The following DOCK1 variants were observed in gnomAD, a reference collection of about 807,000 sequenced individuals.
The protein encoded by DOCK1 is dedicator of cytokinesis protein 1.
In DOCK1, 138 loss-of-function variants were observed where a neutral mutation model predicts 262.7. The ratio of observed to expected loss-of-function variants is 0.53; its 90% CI spans 0.46 to 0.61. DOCK1 has a LOEUF of 0.61. Ranked by LOEUF, DOCK1 falls within the 20% of genes least tolerant of loss-of-function variation. The probability of loss-of-function intolerance (pLI) is 0.00; values close to 1 mark genes in which losing one functional copy is unlikely to be tolerated. For synonymous variants in DOCK1, 866 were observed against 867.4 expected, an observed-to-expected ratio of 1.00 and a Z score of 0.03; for missense variants, 1,908 against 2,370.7, an observed-to-expected ratio of 0.80 and a Z score of 4.05.
chr10:127,004,182 A>T (rs1474170492), intron 10 of DOCK1, among the ~76,000 whole-genome samples: 1 of 150,988 alleles, frequency 6.6e-6, no homozygotes, highest in Non-Finnish European at 1.5e-5. Flanking sequence ...TGAACTGGGG[A>T]GGTGGAGGTT....
At chr10:127,050,791 A>G (rs1485963529) in intron 21 of DOCK1, among the ~76,000 whole-genome samples, 1 of 152,058 alleles carries the variant, frequency 6.6e-6, no homozygotes, top group Admixed American at 6.5e-5. Flanking sequence ...CAGAAATTTT[A>G]TTTAATTTTC....
At chr10:127,353,494 G>C (rs895187974) in intron 31 of DOCK1, among the ~76,000 whole-genome samples, 4 of 152,168 alleles carry the variant, frequency 2.6e-5, no homozygotes, top group Non-Finnish European at 4.4e-5. Flanking sequence ...AACCATGGAC[G>C]GGCCTCTCCT....
At chr10:127,343,853 C>T (rs2063525582) in intron 31 of DOCK1, 107 bp downstream of exon 31, 17 of 919,732 alleles carry the variant, frequency 1.8e-5, no homozygotes, top group Admixed American at 1.6e-4. Flanking sequence ...GATGTAATCA[C>T]GGTGTAATGA....
intron 23 of DOCK1, 148 bp downstream of exon 23, chr10:127,061,924 C>A: frequency 2.5e-6 from 1 of 402,332 alleles, no homozygotes; most frequent in Non-Finnish European, 4.2e-6. Flanking sequence ...ATTTCAAGAG[C>A]TGTGCTTTTT....
Position 126,944,475 on chromosome 10 carries a change from G to A in DOCK1, c.47-26227G>A, listed in dbSNP as rs1056104011. ...CAGTTGGGAGTCAGCACGAAGATGCGTATGGAAGCCTCCAGAGATGACCTG... is the reference window on the plus strand; with the variant it reads ...CAGTTGGGAGTCAGCACGAAGATGCATATGGAAGCCTCCAGAGATGACCTG... On this transcript the variant is annotated intron_variant, in intron 1 of 51. Transcript: ENST00000623213. Among the ~76,000 whole-genome samples, 1,338 of 152,234 alleles carry A rather than the reference G, an allele frequency of 8.8e-3. 24 individuals are homozygous for A. Among genetic ancestry groups the A allele is most frequent in the African/African-American group, 0.03 (1,265 of 41,550 alleles).
intron 16 of DOCK1, among the ~76,000 whole-genome samples, chr10:127,027,145 G>A (rs530461447): frequency 5.9e-5 from 9 of 152,304 alleles, no homozygotes; most frequent in South Asian, 2.1e-4. Flanking sequence ...CTTGTGTGCC[G>A]CAGGCAGTTA....
At chr10:126,946,692 A>G (rs999116174) in intron 1 of DOCK1, among the ~76,000 whole-genome samples, 35,261 of 152,138 alleles carry the variant, frequency 0.23, 4,231 homozygotes, top group African/African-American at 0.27. Flanking sequence ...TGCCTGGCTA[A>G]TTTCGCAGAG....
chr10:126,998,286 G>T, intron 8 of DOCK1, 37 bp downstream of exon 8: 1 of 1,612,356 alleles, frequency 6.2e-7, no homozygotes, highest in Admixed American at 1.7e-5. Flanking sequence ...TTTCCTCTTT[G>T]GTTAGTGTTA....
At position 127,451,346 on chromosome 10, in the gene DOCK1, A is replaced by G. The variant is rs527489992; in HGVS notation, c.5580A>G (p.Pro1860=). 6.8e-5 allele frequency: 108 copies of G among 1,598,112 alleles called. No individual in the cohort carries two copies. The East Asian group carries it at 2.4e-3, about 35-fold the overall frequency. The part of the protein sequence containing the change: ...PPPHQRHLPP[P]LPSKTPPPPP... Reference sequence around the variant, plus strand: ...ATGTTTTTTAGCATCTGCCACCTCCACTGCCCAGCAAAACTCCGCCTCCTC... The same window carrying G: ...ATGTTTTTTAGCATCTGCCACCTCCGCTGCCCAGCAAAACTCCGCCTCCTC... Residue 1860 remains proline, a synonymous_variant, in exon 52 of 52, where the codon CCA becomes CCG. Coordinates refer to ENST00000623213, the MANE Select transcript of DOCK1 (RefSeq NM_001290223.2).
chr10:127,298,036 G>A (rs556512569), intron 29 of DOCK1, among the ~76,000 whole-genome samples: 5 of 152,054 alleles, frequency 3.3e-5, no homozygotes, highest in African/African-American at 9.7e-5. Flanking sequence ...TTCCCACCAC[G>A]TGTAATAAAC....
At chr10:127,280,096 G>A (rs1324524918) in intron 29 of DOCK1, among the ~76,000 whole-genome samples, 4 of 146,312 alleles carry the variant, frequency 2.7e-5, no homozygotes, top group Non-Finnish European at 4.5e-5. Flanking sequence ...GTGCAGCGGC[G>A]CGATCTCGGC....
chr10:127,177,903 C>A (rs753307883), intron 27 of DOCK1, among the ~76,000 whole-genome samples: 4 of 152,188 alleles, frequency 2.6e-5, no homozygotes, highest in Non-Finnish European at 4.4e-5. Flanking sequence ...GATGTTGCGT[C>A]ATTTTTCGGT....
At chr10:126,922,298 C>T (rs73382573) in intron 1 of DOCK1, among the ~76,000 whole-genome samples, 18,175 of 150,024 alleles carry the variant, frequency 0.12, 1,274 homozygotes, top group African/African-American at 0.2. Context: ...CTGGCATCTG[C>T]TTCTGGAGAG....
rs190993327 is a variant in DOCK1, at chr10:127,394,834, G to T, written c.3928-8221G>T. Among the ~76,000 whole-genome samples, 31 of 152,192 alleles carry T rather than the reference G, an allele frequency of 2.0e-4. No homozygotes were observed. In the East Asian group the frequency reaches 2.5e-3, roughly 12 times the overall value. On this transcript the variant is annotated intron_variant, in intron 38 of 51. Transcript: ENST00000623213. ...ACCGAGATGGAGCCAGGCCCACCTC[G>T]AGGCGATTCTAGCATCAGGGCTCTC... is the stretch of plus-strand genomic sequence containing the variant.
intron 29 of DOCK1, among the ~76,000 whole-genome samples, chr10:127,278,826 C>T (rs1237802395): frequency 6.6e-6 from 1 of 152,236 alleles, no homozygotes; most frequent in Non-Finnish European, 1.5e-5. Context: ...TTCTGTGTGA[C>T]AAGCAGGGGA....
chr10:127,241,920 A>G (rs1185446028), intron 27 of DOCK1, among the ~76,000 whole-genome samples: 1 of 152,178 alleles, frequency 6.6e-6, no homozygotes, highest in African/African-American at 2.4e-5. Context: ...ATATAGGGTC[A>G]CATTTCAAAG....
At chr10:127,163,155 G>A (rs1447116549) in intron 27 of DOCK1, among the ~76,000 whole-genome samples, 3 of 152,140 alleles carry the variant, frequency 2.0e-5, no homozygotes, top group African/African-American at 4.8e-5. Flanking sequence ...TCTGTCCTAT[G>A]GGACTGGGCA....
chr10:127,149,246 C>T (rs950558685), intron 27 of DOCK1, among the ~76,000 whole-genome samples: 4 of 152,144 alleles, frequency 2.6e-5, no homozygotes, highest in African/African-American at 7.2e-5. Flanking sequence ...GGAGACTGAA[C>T]AGACACCCCA....
chr10:127,451,488 T>C lies in DOCK1; in HGVS notation c.*61T>C, dbSNP rs751298434. On this transcript the variant is annotated 3_prime_UTR_variant, in exon 52 of 52. Coordinates refer to ENST00000623213, the MANE Select transcript of DOCK1 (RefSeq NM_001290223.2). ...TCCCCATCTCCATGCCCTCTCCTTC[T>C]GTGTCCCCTGAGTCTGCTGTTTACC... is the stretch of plus-strand genomic sequence containing the variant. The C allele has an allele frequency of 8.7e-5, 134 of 1,547,788 alleles. No homozygotes were observed. Among genetic ancestry groups the C allele is most frequent in the Non-Finnish European group, 1.1e-4 (128 of 1,146,400 alleles).
Sources: allele counts gnomAD v4.1 joint callset (sites outside exome capture counted in the v4.1 genomes callset), GRCh38; gene constraint gnomAD v4.1.1; transcripts MANE v1.5; gene names NCBI Gene and HGNC (gene_info 2026-07-23, HGNC 2026-07-21).